Variants in GALNT13 observed in about 807,000 individuals in gnomAD.
GALNT13 encodes the protein UDP-GalNAc:polypeptide N-acetylgalactosaminyltransferase 13.
In GALNT13, 28 loss-of-function variants were observed where a neutral mutation model predicts 64.2. That is an observed-to-expected ratio of 0.44 (90% CI 0.32 to 0.60). The LOEUF (loss-of-function observed/expected upper bound fraction) is 0.60. Among genes scored for constraint, GALNT13 ranks in the 20% least tolerant of loss-of-function variants. GALNT13 has a pLI of 0.05. For missense variants in GALNT13, 577 were observed against 669.8 expected, an observed-to-expected ratio of 0.86 and a Z score of 1.53; for synonymous variants, 214 against 224.6, an observed-to-expected ratio of 0.95 and a Z score of 0.42.
chr2:153,965,775 G>T (rs1574224059), intron 3 of GALNT13, among the ~76,000 whole-genome samples: 1 of 147,714 alleles, frequency 6.8e-6, no homozygotes. Context: ...CTTTTCTCTG[G>T]TCACAATGAA....
the GALNT13 span, among the ~76,000 whole-genome samples, chr2:153,370,030 A>G: frequency 6.6e-6 from 1 of 152,324 alleles, no homozygotes; most frequent in East Asian, 1.9e-4. Context: ...GATATGCAGC[A>G]ATAGATATCT....
At chr2:153,780,267 A>ATG in the GALNT13 span, among the ~76,000 whole-genome samples, 1 of 146,360 alleles carries the variant, frequency 6.8e-6, no homozygotes. Context: ...ATGCATATAT[A>ATG]TATCAGAAGC....
the GALNT13 span, among the ~76,000 whole-genome samples, chr2:153,212,457 A>C: frequency 6.6e-6 from 1 of 152,338 alleles, no homozygotes; most frequent in East Asian, 1.9e-4. Context: ...AGGAGCTTGA[A>C]GATCACAGCC....
the GALNT13 span, among the ~76,000 whole-genome samples, chr2:153,248,424 A>T: frequency 1.3e-5 from 2 of 152,194 alleles, no homozygotes; most frequent in Non-Finnish European, 2.9e-5. Context: ...AAATTAATAA[A>T]TATAATTTAT....
chr2:153,543,953 C>T, the GALNT13 span, among the ~76,000 whole-genome samples: 18 of 152,056 alleles, frequency 1.2e-4, no homozygotes, highest in East Asian at 1.9e-4. Context: ...TTTTATGTGC[C>T]GTTTATAAAG....
At chr2:153,497,310 A>G in the GALNT13 span, among the ~76,000 whole-genome samples, 449 of 152,122 alleles carry the variant, frequency 3.0e-3, 15 homozygotes, top group East Asian at 0.081. Flanking sequence ...TCAAATGAAG[A>G]TTAGCTGTTT....
chr2:153,473,090 G>A, the GALNT13 span, among the ~76,000 whole-genome samples: 16 of 152,068 alleles, frequency 1.1e-4, no homozygotes, highest in African/African-American at 3.9e-4. Context: ...TGTAGATGAC[G>A]GACCGATGGG....
At chr2:153,988,194 A>C (rs1449898200) in intron 3 of GALNT13, among the ~76,000 whole-genome samples, 2 of 151,660 alleles carry the variant, frequency 1.3e-5, no homozygotes, top group Non-Finnish European at 2.9e-5. Context: ...TAATTTACTC[A>C]CCTGGTTATC....
chr2:153,585,496 A>T, the GALNT13 span, among the ~76,000 whole-genome samples: 2 of 152,242 alleles, frequency 1.3e-5, no homozygotes, highest in Admixed American at 1.3e-4. Flanking sequence ...TAAAAGGTTT[A>T]GAAAACCTAT....
At chr2:154,295,439 A>T (rs143118916) in intron 8 of GALNT13, among the ~76,000 whole-genome samples, 1 of 151,246 alleles carries the variant, frequency 6.6e-6, no homozygotes, top group Admixed American at 6.6e-5. Flanking sequence ...CCTTGGCTCA[A>T]TGCAACCTCT....
In GALNT13 at chr2:153,953,885, A is replaced by G. The variant is rs79875627; in HGVS notation, c.142+9246A>G. Among the ~76,000 whole-genome samples, 335 of 152,202 alleles carry G rather than the reference A, an allele frequency of 2.2e-3. 2 individuals carry two copies. The highest frequency in any genetic ancestry group is 7.2e-3 in the African/African-American group (300 of 41,536). On this transcript the variant is annotated intron_variant, in intron 3 of 12. Coordinates refer to ENST00000392825, the MANE Select transcript of GALNT13 (RefSeq NM_052917.4). ...TCAAAATGAGTGGAATTGCTGACCA[A>G]TGACTTCAGTTCAAAACATTTACAT...
chr2:154,190,602 C>T (rs528668270), intron 4 of GALNT13, among the ~76,000 whole-genome samples: 4 of 152,126 alleles, frequency 2.6e-5, no homozygotes, highest in Admixed American at 2.6e-4. Context: ...TGTCTGTGAC[C>T]ATCTGCTCTA....
chr2:154,258,749 A>G (rs1690524291), intron 7 of GALNT13, among the ~76,000 whole-genome samples: 1 of 151,940 alleles, frequency 6.6e-6, no homozygotes, highest in Non-Finnish European at 1.5e-5. Context: ...CAGAGGGAAT[A>G]TAGAAGTACC....
chr2:153,362,041 G>A, the GALNT13 span, among the ~76,000 whole-genome samples: 1 of 152,198 alleles, frequency 6.6e-6, no homozygotes, highest in Admixed American at 6.5e-5. Flanking sequence ...AACCGTACAA[G>A]CCAGAAGAGA....
At chr2:153,200,354 T>C in the GALNT13 span, among the ~76,000 whole-genome samples, 1 of 152,206 alleles carries the variant, frequency 6.6e-6, no homozygotes, top group African/African-American at 2.4e-5. Flanking sequence ...GTGGTAAAGT[T>C]GGTGGTCAGG....
chr2:153,448,354 G>A, the GALNT13 span, among the ~76,000 whole-genome samples: 18 of 152,128 alleles, frequency 1.2e-4, no homozygotes, highest in South Asian at 4.1e-4. Flanking sequence ...GAATAGAATC[G>A]TATTTTCTTT....
chr2:154,069,922 A>G (rs1221707100), intron 3 of GALNT13, among the ~76,000 whole-genome samples: 2 of 152,174 alleles, frequency 1.3e-5, no homozygotes, highest in Non-Finnish European at 2.9e-5. Flanking sequence ...TTGGATAAAG[A>G]GTTGATGAAA....
At chr2:154,394,077 CAAA>C (rs369267777) in intron 9 of GALNT13, among the ~76,000 whole-genome samples, 13 of 32,000 alleles carry the variant, frequency 4.1e-4, no homozygotes, top group South Asian at 2.3e-3. Flanking sequence ...GACTCCGTCT[CAAA>C]AAAAAAAAAA....
At chr2:153,414,243 C>T in the GALNT13 span, among the ~76,000 whole-genome samples, 375 of 151,876 alleles carry the variant, frequency 2.5e-3, 1 homozygote, top group African/African-American at 8.7e-3. Flanking sequence ...GAAGTAGTGG[C>T]GTGCATCTGT....
Sources: gnomAD v4.1 joint callset for allele counts (sites outside exome capture counted in the v4.1 genomes callset) on GRCh38, gnomAD v4.1.1 for gene constraint, MANE v1.5 for transcripts, NCBI Gene and HGNC (gene_info 2026-07-23, HGNC 2026-07-21) for gene names.